The following IPO9 variants were observed in gnomAD, a reference collection of about 807,000 sequenced individuals.
IPO9 encodes the protein importin 9.
In IPO9, 28 loss-of-function variants were observed where a neutral mutation model predicts 128.6. The ratio of observed to expected loss-of-function variants is 0.22; its 90% CI spans 0.16 to 0.30. The LOEUF is 0.30. IPO9 is among the 10% of genes least tolerant of loss of function. The pLI, the probability that IPO9 is intolerant of heterozygous loss-of-function variation, is 1.00. For synonymous variants in IPO9, 455 were observed against 475.8 expected, an observed-to-expected ratio of 0.96 and a Z score of 0.57; for missense variants, 935 against 1,293.9, an observed-to-expected ratio of 0.72 and a Z score of 4.26.
intron 4 of IPO9, among the ~76,000 whole-genome samples, chr1:201,851,818 C>G (rs1445447040): frequency 6.6e-6 from 1 of 152,160 alleles, no homozygotes; most frequent in Non-Finnish European, 1.5e-5. Flanking sequence ...CTCACAAGGA[C>G]TTTTATGCAG....
chr1:201,850,090 G>T (rs1021449620), intron 4 of IPO9, among the ~76,000 whole-genome samples: 1 of 152,154 alleles, frequency 6.6e-6, no homozygotes, highest in Non-Finnish European at 1.5e-5. Context: ...ATCTTGATTT[G>T]GATGCTGAAG....
intron 22 of IPO9, 64 bp downstream of exon 22, chr1:201,875,000 G>C (rs2678203): frequency 7.2e-7 from 1 of 1,389,402 alleles, no homozygotes; most frequent in Non-Finnish European, 1.0e-6. Context: ...GATCCCAACA[G>C]TGGGGTACCC....
At position 201,848,594 on chromosome 1, in the gene IPO9, G is replaced by C. The variant is rs1315109502; in HGVS notation, c.514G>C (p.Glu172Gln). 6.2e-7 allele frequency: 1 copy of C among 1,613,636 alleles called. No homozygotes were observed. Among genetic ancestry groups the C allele is most frequent in the Non-Finnish European group, 8.5e-7 (1 of 1,179,948 alleles). The change falls in exon 4 of 24, where the codon GAA (glutamate) becomes CAA (glutamine). Residue 172 changes from glutamate to glutamine, a missense_variant and splice_region_variant. This residue lies in a region of IPO9 where 741 missense variants were observed against 1,019.1 expected (regional missense o/e 0.73). Coordinates refer to ENST00000361565, the MANE Select transcript of IPO9 (RefSeq NM_018085.5). ...CCATGGAGCCATGCGTGTGCTGACA[G>C]GTACCAGAAGCCCTTTTCCCTGGTA... ...AVHGAMRVLT[E>Q]FTREVTDTQM...
chr1:201,865,269 C>T (rs536667722), intron 14 of IPO9, among the ~76,000 whole-genome samples: 1 of 147,826 alleles, frequency 6.8e-6, no homozygotes, highest in East Asian at 2.0e-4. Context: ...AGTGCAGTGG[C>T]GCGATCTCGG....
chr1:201,858,613 G>C, intron 12 of IPO9, 60 bp downstream of exon 12: 1 of 1,019,300 alleles, frequency 9.8e-7, no homozygotes, highest in East Asian at 2.5e-5. Flanking sequence ...AAAAAGTCTT[G>C]AAAGGATGGA....
Position 201,882,850 on chromosome 1 carries a change from C to G in IPO9, c.*6796C>G, listed in dbSNP as rs1680914119. 1 of 152,656 alleles carries G rather than the reference C, an allele frequency of 6.6e-6. No individual in the cohort carries two copies. The highest frequency in any genetic ancestry group is 1.9e-4 in the East Asian group (1 of 5,202). The allele number at this position is 152,656 out of a possible 1,614,324, so 9.5% of individuals were successfully genotyped here. On this transcript the variant is annotated 3_prime_UTR_variant, in exon 24 of 24. Coordinates refer to ENST00000361565, the MANE Select transcript of IPO9 (RefSeq NM_018085.5). Reference sequence around the variant, plus strand: ...TTGTAGTTAGAATTAAGGATGACTTCATTAAAGCACCTCTAGTGGTGGAAG... The same window carrying G: ...TTGTAGTTAGAATTAAGGATGACTTGATTAAAGCACCTCTAGTGGTGGAAG...
At chr1:201,832,863 T>C (rs1679863398) in intron 1 of IPO9, among the ~76,000 whole-genome samples, 1 of 152,224 alleles carries the variant, frequency 6.6e-6, no homozygotes, top group Non-Finnish European at 1.5e-5. Context: ...GAAGATTAAA[T>C]GGAAGAATAT....
Position 201,859,958 on chromosome 1 carries a change from A to G in IPO9, c.1468+964A>G, listed in dbSNP as rs900563593. On this transcript the variant is annotated intron_variant, in intron 13 of 23. Coordinates refer to ENST00000361565, the MANE Select transcript of IPO9 (RefSeq NM_018085.5). ...TGGGTGACAGAGCGAGACTTGGTTT[A>G]AAAAAAAAAAAAAGGTAGCCCTTTA... 5.8e-5 allele frequency among the ~76,000 whole-genome samples: 8 copies of G among 138,332 alleles called. No homozygotes were observed. In the South Asian group the frequency reaches 6.7e-4, roughly 12 times the overall value. The allele number at this position is 138,332 out of a possible 152,430, so 90.8% of individuals were successfully genotyped here.
In IPO9 at chr1:201,874,979, C is replaced by G. The variant is rs779532066; in HGVS notation, c.2938+43C>G. On this transcript the variant is annotated intron_variant, in intron 22 of 23. Coordinates refer to ENST00000361565, the MANE Select transcript of IPO9 (RefSeq NM_018085.5). Reference sequence around the variant, plus strand: ...AGGACAGCCATGGTAAATACCTTTTCTTTGCACACTGATCCCAACAGTGGG... The same window carrying G: ...AGGACAGCCATGGTAAATACCTTTTGTTTGCACACTGATCCCAACAGTGGG... The G allele has an allele frequency of 3.4e-6, 5 of 1,451,066 alleles. No individual in the cohort carries two copies. The South Asian group carries it at 5.7e-5, about 17-fold the overall frequency. The allele number at this position is 1,451,066 out of a possible 1,614,324, so 89.9% of individuals were successfully genotyped here.
chr1:201,856,733 C>T (rs916952351), intron 10 of IPO9, among the ~76,000 whole-genome samples: 1 of 152,178 alleles, frequency 6.6e-6, no homozygotes, highest in African/African-American at 2.4e-5. Flanking sequence ...TTTGCTCAGG[C>T]TGGAGTGCAG....
Position 201,875,931 on chromosome 1 carries a change from C to T in IPO9, c.3016-13C>T, listed in dbSNP as rs201949261. The T allele has an allele frequency of 1.3e-6, 2 of 1,550,378 alleles. No homozygotes were observed. Among genetic ancestry groups the T allele is most frequent in the Non-Finnish European group, 1.8e-6 (2 of 1,122,160 alleles). Reference sequence around the variant, plus strand: ...CAATGTCTCACTAATGCCACTCTTGCTCTTTCCTCCAGGCATATCTCACAG... The same window carrying T: ...CAATGTCTCACTAATGCCACTCTTGTTCTTTCCTCCAGGCATATCTCACAG... On this transcript the variant is annotated splice_polypyrimidine_tract_variant and intron_variant, in intron 23 of 23. Coordinates refer to ENST00000361565, the MANE Select transcript of IPO9 (RefSeq NM_018085.5).
chr1:201,848,223 A>C (rs1680154725), intron 3 of IPO9, among the ~76,000 whole-genome samples, 170 bp from the exon 4 acceptor site: 1 of 152,246 alleles, frequency 6.6e-6, no homozygotes, highest in Admixed American at 6.5e-5. Context: ...ATAAGTTTAG[A>C]GATCACAGAT....
intron 16 of IPO9, 74 bp downstream of exon 16, chr1:201,868,870 A>T: frequency 6.7e-7 from 1 of 1,483,512 alleles, no homozygotes; most frequent in Non-Finnish European, 9.0e-7. Context: ...CATCTAGCTG[A>T]CAAGAACCTA....
At position 201,881,676 on chromosome 1, in the gene IPO9, A is replaced by G. The variant is rs924152720; in HGVS notation, c.*5622A>G. On this transcript the variant is annotated 3_prime_UTR_variant, in exon 24 of 24. Transcript: ENST00000361565. The stretch of plus-strand genomic sequence containing the variant: ...GACTACCCAAGATAACTAAACAGGG[A>G]AGTGATCAGGTTTTGTGTCTTAGAA... 5 of 152,184 alleles carry G rather than the reference A, an allele frequency of 3.3e-5. No homozygotes were observed. Among genetic ancestry groups the G allele is most frequent in the Non-Finnish European group, 7.3e-5 (5 of 68,042 alleles). 9.4% of individuals were successfully genotyped at this position (152,184 alleles called of 1,614,324 possible). A position where few individuals can be genotyped will look rare whatever the true frequency, so the allele number is the denominator to read the frequency against.
At position 201,850,833 on chromosome 1, in the gene IPO9, TGAG is replaced by T. The variant is rs1241124953; in HGVS notation, c.515-1265_515-1263del. The T allele has an allele frequency of 2.0e-5, 3 of 152,156 alleles. No individual in the cohort carries two copies. In the East Asian group the frequency reaches 5.8e-4, roughly 29 times the overall value. The allele number at this position is 152,156 out of a possible 1,614,324, so 9.4% of individuals were successfully genotyped here. On this transcript the variant is annotated intron_variant, in intron 4 of 23. Transcript: ENST00000361565. The stretch of plus-strand genomic sequence containing the variant: ...CCATTCAAAGCTCAGACTTTATCCT[TGAG>T]GAGGAAATTACAGCTGTAAAGAAAA...
Position 201,879,373 on chromosome 1 carries a change from A to G in IPO9, c.*3319A>G, listed in dbSNP as rs1416226335. 1.3e-5 allele frequency: 2 copies of G among 152,218 alleles called. No individual in the cohort carries two copies. Among genetic ancestry groups the G allele is most frequent in the Non-Finnish European group, 2.9e-5 (2 of 68,044 alleles). The allele number at this position is 152,218 out of a possible 1,614,324, so 9.4% of individuals were successfully genotyped here. On this transcript the variant is annotated 3_prime_UTR_variant, in exon 24 of 24. Transcript: ENST00000361565. Reference sequence around the variant, plus strand: ...GTTGGTAACTGACCACTAACTAACAAACTATAAATTCACCCATTGTGGGTT... The same window carrying G: ...GTTGGTAACTGACCACTAACTAACAGACTATAAATTCACCCATTGTGGGTT...
intron 1 of IPO9, among the ~76,000 whole-genome samples, chr1:201,830,909 T>C (rs757836200): frequency 6.6e-6 from 1 of 152,240 alleles, no homozygotes; most frequent in Non-Finnish European, 1.5e-5. Flanking sequence ...TTTGCTCTGA[T>C]CTTTTCAACT....
chr1:201,857,125 A>C lies in IPO9; in HGVS notation c.1152A>C (p.Gln384His). The C allele has an allele frequency of 6.2e-7, 1 of 1,612,900 alleles. No individual in the cohort carries two copies. The highest frequency in any genetic ancestry group is 8.5e-7 in the Non-Finnish European group (1 of 1,178,868). Residue 384 changes from glutamine (Q) to histidine (H), a missense_variant, in exon 11 of 24, where the codon CAA becomes CAC. This residue lies in a region of IPO9 where 741 missense variants were observed against 1,019.1 expected (regional missense o/e 0.73). Transcript: ENST00000361565. ...AAGTATGGACAGCCAACCCCCAACA[A>C]TTTGTAGAAGATGAAGATGATGATA... ...QIKVWTANPQQFVEDEDDDTF... is the reference protein window; with the variant it reads ...QIKVWTANPQHFVEDEDDDTF...
Position 201,870,377 on chromosome 1 carries a change from T to G in IPO9, c.2134-206T>G, listed in dbSNP as rs768937412. Among the ~76,000 whole-genome samples, 1 of 152,164 alleles carries G rather than the reference T, an allele frequency of 6.6e-6. No homozygotes were observed. The highest frequency in any genetic ancestry group is 1.5e-5 in the Non-Finnish European group (1 of 68,020). On this transcript the variant is annotated intron_variant, in intron 17 of 23. Coordinates refer to ENST00000361565, the MANE Select transcript of IPO9 (RefSeq NM_018085.5). This position sits in a 1 kb window ranked among gnomAD's most constrained non-coding sequence, Gnocchi z 4.9. ...ATATACACATTTGTGAGATAGCTGA[T>G]TAGGTAAAGGGGGAATTATGTAATG...
Sources: gnomAD v4.1 joint callset for allele counts (sites outside exome capture counted in the v4.1 genomes callset) on GRCh38, gnomAD v4.1.1 for gene constraint, gnomAD v4.1.1 regional missense constraint, Gnocchi (gnomAD v3.1) non-coding constraint, MANE v1.5 for transcripts, NCBI Gene and HGNC (gene_info 2026-07-23, HGNC 2026-07-21) for gene names.